Variants in C10orf67 observed in about 807,000 individuals in gnomAD.
The protein encoded by C10orf67 is uncharacterized protein C10orf67, mitochondrial.
Under a neutral mutation model 35.6 loss-of-function variants are expected in C10orf67, and 60 were observed. The ratio of observed to expected loss-of-function variants is 1.68; its 90% CI spans 1.37 to 2.09. C10orf67 has a LOEUF of 2.09. Ranked by LOEUF, C10orf67 falls within the 30% of genes most tolerant of loss-of-function variation. The pLI, the probability that C10orf67 is intolerant of heterozygous loss-of-function variation, is 0.00. For missense variants in C10orf67, 474 were observed against 330.2 expected, an observed-to-expected ratio of 1.44 and a Z score of -3.38; for synonymous variants, 167 against 115.8, an observed-to-expected ratio of 1.44 and a Z score of -2.84.
At chr10:23,216,125 C>T (rs1012870392) in intron 15 of C10orf67, among the ~76,000 whole-genome samples, 8 of 152,068 alleles carry the variant, frequency 5.3e-5, no homozygotes, top group South Asian at 2.1e-4. Flanking sequence ...ATTTGTGAAG[C>T]GTGAAACTAG....
intron 4 of C10orf67, among the ~76,000 whole-genome samples, chr10:23,312,227 T>C (rs1844527739): frequency 6.6e-6 from 1 of 152,242 alleles, no homozygotes; most frequent in Admixed American, 6.5e-5. Context: ...ATAAATGCAT[T>C]AGTTATTCAC....
chr10:23,225,141 G>A (rs1221268780), intron 13 of C10orf67, among the ~76,000 whole-genome samples: 1 of 152,190 alleles, frequency 6.6e-6, no homozygotes, highest in East Asian at 1.9e-4. Flanking sequence ...TACCCACAAA[G>A]GGAAGCCCAT....
chr10:23,319,188 A>G (rs1433449406), intron 4 of C10orf67, among the ~76,000 whole-genome samples: 1 of 151,952 alleles, frequency 6.6e-6, no homozygotes. Context: ...CCCTGTGTCT[A>G]TTGTTCCCTT....
intron 15 of C10orf67, among the ~76,000 whole-genome samples, chr10:23,208,098 G>A (rs938853202): frequency 1.3e-5 from 2 of 152,154 alleles, no homozygotes; most frequent in Non-Finnish European, 2.9e-5. Flanking sequence ...ATTTTCATTC[G>A]AACGTTTGGT....
chr10:23,323,825 T>C (rs941326293), intron 2 of C10orf67, among the ~76,000 whole-genome samples: 5 of 138,092 alleles, frequency 3.6e-5, no homozygotes, highest in African/African-American at 1.3e-4. Context: ...ACCCGGGAGA[T>C]GGAGGTTGCA....
intron 12 of C10orf67, among the ~76,000 whole-genome samples, chr10:23,240,757 C>T (rs1217101043): frequency 6.6e-6 from 1 of 152,168 alleles, no homozygotes; most frequent in Non-Finnish European, 1.5e-5. Context: ...CTTCAGCCAT[C>T]TCAGCAGAGT....
In C10orf67 at chr10:23,250,476, C is replaced by T. The variant is rs1842418203; in HGVS notation, c.1325G>A (p.Arg442Lys). 1 of 398,410 alleles carries T rather than the reference C, an allele frequency of 2.5e-6. No individual in the cohort carries two copies. The highest frequency in any genetic ancestry group is 1.3e-4 in the South Asian group (1 of 7,852). 24.7% of individuals were successfully genotyped at this position (398,410 alleles called of 1,614,324 possible). Reference sequence around the variant, plus strand: ...ATACCTGTTCCTGAGAATAAAGAATCTCTTTTCCCAGCTTTTATTTAGTCG... The same window carrying T: ...ATACCTGTTCCTGAGAATAAAGAATTTCTTTTCCCAGCTTTTATTTAGTCG... ...ADRLNKSWEKRFFILRNSFHV... is the reference protein window; with the variant it reads ...ADRLNKSWEKKFFILRNSFHV... The change falls in exon 12 of 16, where the codon AGA (arginine) becomes AAA (lysine). Residue 442 changes from arginine to lysine, a missense_variant. Coordinates refer to ENST00000636213, the MANE Select transcript of C10orf67 (RefSeq NM_001371909.1).
intron 13 of C10orf67, among the ~76,000 whole-genome samples, chr10:23,229,103 T>C (rs1293172975): frequency 6.6e-6 from 1 of 152,124 alleles, no homozygotes; most frequent in Non-Finnish European, 1.5e-5. Context: ...CAAATGATTA[T>C]AAATCATGCT....
chr10:23,344,139 C>T, intron 1 of C10orf67: 1 of 94,356 alleles, frequency 1.1e-5, no homozygotes, highest in East Asian at 3.3e-4. Flanking sequence ...GGGAGGGCCG[C>T]GAGTGGAGGG....
At chr10:23,279,275 G>T (rs1485014417) in intron 8 of C10orf67, among the ~76,000 whole-genome samples, 1 of 152,204 alleles carries the variant, frequency 6.6e-6, no homozygotes, top group African/African-American at 2.4e-5. Context: ...AGTCACATTA[G>T]GCCACGCTTG....
At chr10:23,339,028 G>C (rs1346614209) in intron 1 of C10orf67, among the ~76,000 whole-genome samples, 1 of 152,066 alleles carries the variant, frequency 6.6e-6, no homozygotes, top group South Asian at 2.1e-4. Flanking sequence ...AGAATGAAGA[G>C]GCACCTCTCA....
chr10:23,279,337 C>T (rs368655094), intron 8 of C10orf67, among the ~76,000 whole-genome samples: 7 of 152,226 alleles, frequency 4.6e-5, no homozygotes, highest in Non-Finnish European at 1.5e-5. Context: ...TCCATGTAAA[C>T]GTGGTTTTGC....
intron 2 of C10orf67, 42 bp downstream of exon 2, chr10:23,333,019 GC>G (rs1564520445): frequency 6.3e-7 from 1 of 1,585,774 alleles, no homozygotes; most frequent in South Asian, 1.2e-5. Context: ...GGCAATTAAC[GC>G]CAAAAATTAT....
intron 12 of C10orf67, among the ~76,000 whole-genome samples, chr10:23,246,952 T>C (rs1408822834): frequency 6.6e-6 from 1 of 152,098 alleles, no homozygotes; most frequent in Non-Finnish European, 1.5e-5. Flanking sequence ...CAGGCTGCCA[T>C]GTAGCTGGGA....
At chr10:23,314,483 AACACAC>A (rs56043614) in intron 4 of C10orf67, among the ~76,000 whole-genome samples, 8,745 of 135,732 alleles carry the variant, frequency 0.064, 270 homozygotes, top group African/African-American at 0.076. Context: ...ATTAAGTTAA[AACACAC>A]ACACACACAC....
At position 23,242,949 on chromosome 10, in the gene C10orf67, A is replaced by C. The variant is rs1842221236; in HGVS notation, c.1347-3133T>G. ...GACAATTAAATAAAATAAAACTGAC[A>C]GATTAGGTTAGAAACCCAATTATAT... On this transcript the variant is annotated intron_variant, in intron 12 of 15. Transcript: ENST00000636213. Among the ~76,000 whole-genome samples, 6 of 152,302 alleles carry C rather than the reference A, an allele frequency of 3.9e-5. No individual in the cohort carries two copies. The South Asian group carries it at 1.2e-3, about 32-fold the overall frequency.
At chr10:23,270,354 T>A (rs1442945553) in intron 8 of C10orf67, among the ~76,000 whole-genome samples, 4 of 152,168 alleles carry the variant, frequency 2.6e-5, no homozygotes. Flanking sequence ...GCTTCTCCCA[T>A]AGATCTTTGC....
intron 13 of C10orf67, among the ~76,000 whole-genome samples, chr10:23,224,822 A>G (rs550454657): frequency 6.1e-4 from 93 of 152,180 alleles, no homozygotes; most frequent in African/African-American, 2.2e-3. Context: ...AAGTTTAGAG[A>G]AAAAAGAGTA....
intron 4 of C10orf67, chr10:23,318,828 A>G (rs1167487230): frequency 2.7e-6 from 2 of 748,214 alleles, no homozygotes; most frequent in Non-Finnish European, 5.0e-6. Context: ...TCATGGCTCC[A>G]TGACATTACC....
Sources: allele counts gnomAD v4.1 joint callset (sites outside exome capture counted in the v4.1 genomes callset), GRCh38; gene constraint gnomAD v4.1.1; transcripts MANE v1.5; gene names NCBI Gene and HGNC (gene_info 2026-07-23, HGNC 2026-07-21).